FAM107B: variants seen among roughly 807,000 people sequenced by gnomAD.
FAM107B encodes family with sequence similarity 107 member B, also known as protein FAM107B.
Under a neutral mutation model 31.5 loss-of-function variants are expected in FAM107B, and 21 were observed. The observed-to-expected ratio is 0.67, with a 90% CI of 0.47 to 0.96. The LOEUF (loss-of-function observed/expected upper bound fraction) is 0.96, where lower values mean the gene tolerates loss of function less well. FAM107B is among the 40% of genes least tolerant of loss of function. The pLI, the probability that FAM107B is intolerant of heterozygous loss-of-function variation, is 0.00. For synonymous variants in FAM107B, 157 were observed against 141.5 expected (o/e 1.11, Z -0.78); for missense variants, 452 against 377.1 (o/e 1.20, Z -1.64).
chr10:14,722,667 C>T (rs923181041), intron 1 of FAM107B, among the ~76,000 whole-genome samples: 9 of 152,012 alleles, frequency 5.9e-5, no homozygotes, highest in African/African-American at 2.2e-4. Flanking sequence ...TTAAATTGAT[C>T]TTTTTATTGT....
chr10:14,737,562 T>C (rs1262001791), intron 1 of FAM107B, among the ~76,000 whole-genome samples: 1 of 151,960 alleles, frequency 6.6e-6, no homozygotes, highest in Non-Finnish European at 1.5e-5. Flanking sequence ...TGCAGTGAGC[T>C]GGGATCATGC....
chr10:14,692,743 T>A (rs775590083), intron 1 of FAM107B, among the ~76,000 whole-genome samples: 3 of 152,186 alleles, frequency 2.0e-5, no homozygotes, highest in Admixed American at 6.5e-5. Context: ...GGTGAGGCAG[T>A]GGGCTCTGAG....
At chr10:14,643,850 G>A (rs1261992474) in intron 2 of FAM107B, among the ~76,000 whole-genome samples, 5 of 152,120 alleles carry the variant, frequency 3.3e-5, no homozygotes, top group Non-Finnish European at 7.3e-5. Flanking sequence ...ACTAATCATC[G>A]CACAGACCCT....
chr10:14,723,642 G>C lies in FAM107B; in HGVS notation c.411+50611C>G, dbSNP rs1855964313. The C allele has an allele frequency of 2.2e-5, 16 of 725,534 alleles. 1 individual carries two copies. In the South Asian group the frequency reaches 2.2e-4, roughly 10 times the overall value. The allele number at this position is 725,534 out of a possible 1,614,324, so 44.9% of individuals were successfully genotyped here. On this transcript the variant is annotated intron_variant, in intron 1 of 4. Coordinates refer to ENST00000181796, the MANE Select transcript of FAM107B (RefSeq NM_031453.4). ...GAGCAATGATGGGAAGGTTAACATA[G>C]GATTACTCTGCGAGAGGCTGGCAGT... is the stretch of plus-strand genomic sequence containing the variant.
intron 1 of FAM107B, among the ~76,000 whole-genome samples, chr10:14,725,525 C>T (rs1346490370): frequency 6.6e-6 from 1 of 152,094 alleles, no homozygotes; most frequent in African/African-American, 2.4e-5. Context: ...CTGGCAGATC[C>T]AGTGTCTAGT....
At position 14,611,487 on chromosome 10, in the gene FAM107B, TATATATATA is replaced by T. The variant is rs1852723637; in HGVS notation, c.469+56138_469+56146del. ...AATAACTAGTTGAATGCCAGTTTTA[TATATATATA>T]TATATATATATATATATATATATAT... On this transcript the variant is annotated intron_variant, in intron 2 of 4. Coordinates refer to ENST00000181796, the MANE Select transcript of FAM107B (RefSeq NM_031453.4). Among the ~76,000 whole-genome samples, 5 of 5,824 alleles carry T rather than the reference TATATATATA, an allele frequency of 8.6e-4. No homozygotes were observed. In the South Asian group the frequency reaches 0.043, roughly 50 times the overall value. 3.8% of individuals were successfully genotyped at this position (5,824 alleles called of 152,430 possible).
intron 1 of FAM107B, among the ~76,000 whole-genome samples, chr10:14,755,456 G>C (rs1237305095): frequency 1.3e-5 from 2 of 151,018 alleles, no homozygotes; most frequent in Non-Finnish European, 2.9e-5. Flanking sequence ...TGGGAGAATT[G>C]CTTGAACCTG....
chr10:14,549,713 TCAC>T (rs1564554300), intron 2 of FAM107B, among the ~76,000 whole-genome samples: 2 of 152,060 alleles, frequency 1.3e-5, no homozygotes, highest in Admixed American at 1.3e-4. Flanking sequence ...GACCGTTCAT[TCAC>T]CACCGACAGT....
chr10:14,578,576 T>C (rs1385267579), intron 2 of FAM107B, among the ~76,000 whole-genome samples: 1 of 152,152 alleles, frequency 6.6e-6, no homozygotes, highest in Non-Finnish European at 1.5e-5. Context: ...GTCCTGTTTA[T>C]AGAGTGAGTG....
intron 2 of FAM107B, among the ~76,000 whole-genome samples, chr10:14,598,912 C>A (rs1488194932): frequency 1.3e-5 from 2 of 152,140 alleles, no homozygotes; most frequent in Non-Finnish European, 2.9e-5. Flanking sequence ...AGAGCTGGGG[C>A]CTGGATCCTC....
intron 2 of FAM107B, among the ~76,000 whole-genome samples, chr10:14,615,371 G>C: frequency 6.6e-6 from 1 of 152,108 alleles, no homozygotes; most frequent in East Asian, 1.9e-4. Flanking sequence ...TTTTCTATAA[G>C]CTGATAGGAA....
rs966867968 is a variant in FAM107B at position 14,520,525 on chromosome 10, G to A, written c.*665C>T. On this transcript the variant is annotated 3_prime_UTR_variant, in exon 5 of 5. Coordinates refer to ENST00000181796, the MANE Select transcript of FAM107B (RefSeq NM_031453.4). ...GAACTGGAATGTCACTATGTAGCCT[G>A]CTATTATTACACAGAGAACCAAAAG... 2 of 152,234 alleles carry A rather than the reference G, an allele frequency of 1.3e-5. No individual in the cohort carries two copies. Among genetic ancestry groups the A allele is most frequent in the Non-Finnish European group, 2.9e-5 (2 of 68,048 alleles). 9.4% of individuals were successfully genotyped at this position (152,234 alleles called of 1,614,324 possible).
At chr10:14,671,232 C>G (rs1854532796) in intron 1 of FAM107B, among the ~76,000 whole-genome samples, 1 of 152,172 alleles carries the variant, frequency 6.6e-6, no homozygotes, top group South Asian at 2.1e-4. Flanking sequence ...CTATGTTGTT[C>G]CAGGACTGTT....
rs143786121 is a variant in FAM107B at position 14,588,724 on chromosome 10, G to A, written c.470-58209C>T. 2.0e-3 allele frequency among the ~76,000 whole-genome samples: 306 copies of A among 152,122 alleles called. 3 individuals are homozygous for A. The highest frequency in any genetic ancestry group is 0.014 in the East Asian group (74 of 5,178). ...CCTCCCCACCCATCACCCCACACAC[G>A]CTGTCTCCCAAAAACACATCTGATC... On this transcript the variant is annotated intron_variant, in intron 2 of 4. Coordinates refer to ENST00000181796, the MANE Select transcript of FAM107B (RefSeq NM_031453.4).
chr10:14,530,957 C>T (rs1846919195), intron 2 of FAM107B, among the ~76,000 whole-genome samples: 1 of 152,208 alleles, frequency 6.6e-6, no homozygotes, highest in South Asian at 2.1e-4. Context: ...TAAAGCTGGC[C>T]TCTTGCCTAT....
intron 1 of FAM107B, among the ~76,000 whole-genome samples, chr10:14,724,522 C>T (rs928732675): frequency 2.0e-5 from 3 of 152,158 alleles, no homozygotes; most frequent in Non-Finnish European, 4.4e-5. Flanking sequence ...TTGCAGATAA[C>T]CCACATGGTC....
chr10:14,652,353 C>T (rs1853922777), intron 2 of FAM107B, among the ~76,000 whole-genome samples: 1 of 152,164 alleles, frequency 6.6e-6, no homozygotes, highest in Admixed American at 6.5e-5. Context: ...GATACAAAAT[C>T]AACCCTCTCA....
chr10:14,550,665 T>C (rs975585046), intron 2 of FAM107B, among the ~76,000 whole-genome samples: 4 of 152,250 alleles, frequency 2.6e-5, no homozygotes, highest in Non-Finnish European at 2.9e-5. Context: ...CAAGTTGTCA[T>C]GCTTTCATTT....
At chr10:14,591,705 A>T (rs567745793) in intron 2 of FAM107B, among the ~76,000 whole-genome samples, 1 of 152,218 alleles carries the variant, frequency 6.6e-6, no homozygotes, top group Non-Finnish European at 1.5e-5. Flanking sequence ...GAATCACTAC[A>T]CGTGAGACAG....
Sources: gnomAD v4.1 joint callset for allele counts (sites outside exome capture counted in the v4.1 genomes callset) on GRCh38, gnomAD v4.1.1 for gene constraint, MANE v1.5 for transcripts, NCBI Gene and HGNC (gene_info 2026-07-23, HGNC 2026-07-21) for gene names.